The following PTPRD variants were observed in gnomAD, a reference collection of about 807,000 sequenced individuals.
PTPRD encodes the protein receptor-type tyrosine-protein phosphatase delta.
In PTPRD, 34 loss-of-function variants were observed where a neutral mutation model predicts 214.5. The ratio of observed to expected loss-of-function variants is 0.16; its 90% CI spans 0.12 to 0.21. The LOEUF (loss-of-function observed/expected upper bound fraction) is 0.21. Ranked by LOEUF, PTPRD falls within the 10% of genes least tolerant of loss-of-function variation. The probability of loss-of-function intolerance (pLI) is 1.00; values close to 1 mark genes in which losing one functional copy is unlikely to be tolerated. For synonymous variants in PTPRD, 1,128 were observed against 845.7 expected, an observed-to-expected ratio of 1.33 and a Z score of -5.79; for missense variants, 2,545 against 2,398.7, an observed-to-expected ratio of 1.06 and a Z score of -1.27.
At chr9:8,715,630 C>T (rs898351057) in intron 12 of PTPRD, among the ~76,000 whole-genome samples, 3 of 152,152 alleles carry the variant, frequency 2.0e-5, no homozygotes, top group South Asian at 2.1e-4. Context: ...AAAACACATA[C>T]GGACCTACAA....
intron 3 of PTPRD, among the ~76,000 whole-genome samples, chr9:10,091,278 T>C (rs987997983): frequency 1.7e-4 from 26 of 151,642 alleles, no homozygotes; most frequent in South Asian, 4.2e-4. Flanking sequence ...TCTGGCAAGA[T>C]TGGGATGTCC....
At chr9:8,922,588 G>T (rs2098835099) in intron 11 of PTPRD, among the ~76,000 whole-genome samples, 1 of 152,174 alleles carries the variant, frequency 6.6e-6, no homozygotes, top group Admixed American at 6.5e-5. Context: ...AGGCAGGGAT[G>T]CAGTTTGATT....
At chr9:9,653,568 A>G (rs1274662515) in intron 7 of PTPRD, among the ~76,000 whole-genome samples, 3 of 152,144 alleles carry the variant, frequency 2.0e-5, no homozygotes, top group Non-Finnish European at 2.9e-5. Context: ...TTGTAAATGA[A>G]CTTTGTAATA....
At chr9:9,944,651 C>G (rs986759650) in intron 4 of PTPRD, among the ~76,000 whole-genome samples, 6 of 151,246 alleles carry the variant, frequency 4.0e-5, no homozygotes, top group African/African-American at 1.5e-4. Context: ...AGAGCAAAGT[C>G]TAAGAAGAGA....
intron 3 of PTPRD, among the ~76,000 whole-genome samples, chr9:10,125,143 G>A (rs1237180910): frequency 6.6e-6 from 1 of 152,092 alleles, no homozygotes; most frequent in Admixed American, 6.6e-5. Flanking sequence ...GAATTGATTT[G>A]AATAAAAGTA....
intron 11 of PTPRD, among the ~76,000 whole-genome samples, chr9:8,767,749 G>C (rs777742633): frequency 2.0e-5 from 3 of 152,126 alleles, no homozygotes; most frequent in Non-Finnish European, 4.4e-5. Flanking sequence ...AATTAAGTCA[G>C]AATCTTTCAA....
chr9:10,250,462 C>T (rs2092669867), intron 3 of PTPRD, among the ~76,000 whole-genome samples: 1 of 152,078 alleles, frequency 6.6e-6, no homozygotes, highest in Non-Finnish European at 1.5e-5. Context: ...CTTAGATTAA[C>T]ATCAGATCAA....
intron 11 of PTPRD, among the ~76,000 whole-genome samples, chr9:9,008,842 C>G (rs2099494762): frequency 6.6e-6 from 1 of 152,054 alleles, no homozygotes; most frequent in Admixed American, 6.6e-5. Context: ...TGTTTTTCCT[C>G]TCTTTAACCA....
intron 9 of PTPRD, among the ~76,000 whole-genome samples, chr9:9,391,896 C>A (rs993592744): frequency 1.3e-5 from 2 of 152,074 alleles, no homozygotes; most frequent in Non-Finnish European, 2.9e-5. Flanking sequence ...TTAAAGAAGA[C>A]TTTGGTTCAC....
At chr9:10,535,794 G>A (rs1342014888) in intron 2 of PTPRD, among the ~76,000 whole-genome samples, 1 of 152,082 alleles carries the variant, frequency 6.6e-6, no homozygotes, top group Non-Finnish European at 1.5e-5. Flanking sequence ...CTAGCCTTGT[G>A]TCAGCAACTC....
At chr9:9,033,033 T>A (rs1303217988) in intron 10 of PTPRD, among the ~76,000 whole-genome samples, 6 of 152,100 alleles carry the variant, frequency 3.9e-5, no homozygotes, top group African/African-American at 1.4e-4. Context: ...TCACCCACCA[T>A]CTGTAGTGCT....
intron 4 of PTPRD, among the ~76,000 whole-genome samples, chr9:9,947,418 A>C (rs1387652104): frequency 9.4e-4 from 32 of 34,146 alleles, no homozygotes; most frequent in African/African-American, 7.8e-3. Context: ...TATATTTTAT[A>C]TATATATTAT....
intron 3 of PTPRD, among the ~76,000 whole-genome samples, chr9:10,142,525 T>A (rs2098993279): frequency 6.6e-6 from 1 of 151,922 alleles, no homozygotes; most frequent in Non-Finnish European, 1.5e-5. Context: ...CATGAAAAAA[T>A]GCTCACCATC....
intron 3 of PTPRD, among the ~76,000 whole-genome samples, chr9:10,103,035 T>G (rs144474174): frequency 1.3e-5 from 2 of 151,570 alleles, no homozygotes; most frequent in East Asian, 3.9e-4. Context: ...TAGAAACCAA[T>G]TAAACATGTT....
chr9:9,275,549 G>T (rs1413811021), intron 9 of PTPRD, among the ~76,000 whole-genome samples: 1 of 151,006 alleles, frequency 6.6e-6, no homozygotes, highest in Non-Finnish European at 1.5e-5. Context: ...AGCCAAGGTT[G>T]GCTGGTAAGA....
chr9:10,307,591 G>A (rs2096123164), intron 3 of PTPRD, among the ~76,000 whole-genome samples: 1 of 151,966 alleles, frequency 6.6e-6, no homozygotes, highest in South Asian at 2.1e-4. Context: ...GCATCATATG[G>A]TAGTTCTATT....
rs34342718 is a variant in PTPRD at position 8,940,280 on chromosome 9, C to CTTTTTTTTTTTTTTT, written c.-104+78402_-104+78416dup. On this transcript the variant is annotated intron_variant, in intron 11 of 45. Transcript: ENST00000381196. ...TCACACATCTCTCTCTCTCTCTCTC[C>CTTTTTTTTTTTTTTT]TTTTTTTTTTTTTTTTTTTTGAGAT... Among the ~76,000 whole-genome samples the CTTTTTTTTTTTTTTT allele has an allele frequency of 5.9e-3, 522 of 88,910 alleles. 64 individuals are homozygous for CTTTTTTTTTTTTTTT. Among genetic ancestry groups the CTTTTTTTTTTTTTTT allele is most frequent in the Non-Finnish European group, 7.9e-3 (383 of 48,642 alleles). The allele number at this position is 88,910 out of a possible 152,430, so 58.3% of individuals were successfully genotyped here. A position where few individuals can be genotyped will look rare whatever the true frequency, so the allele number is the denominator to read the frequency against.
intron 8 of PTPRD, among the ~76,000 whole-genome samples, chr9:9,529,167 C>T (rs942812977): frequency 2.6e-5 from 4 of 151,312 alleles, no homozygotes; most frequent in Non-Finnish European, 4.4e-5. Context: ...CTCCTGACCT[C>T]GTGATCCGCC....
At chr9:10,388,251 A>G (rs1401566435) in intron 2 of PTPRD, among the ~76,000 whole-genome samples, 1 of 151,874 alleles carries the variant, frequency 6.6e-6, no homozygotes, top group Non-Finnish European at 1.5e-5. Flanking sequence ...ATTCAAAGAT[A>G]TTAGCTTTAT....
Sources: gnomAD v4.1 joint callset for allele counts (sites outside exome capture counted in the v4.1 genomes callset) on GRCh38, gnomAD v4.1.1 for gene constraint, MANE v1.5 for transcripts, NCBI Gene and HGNC (gene_info 2026-07-23, HGNC 2026-07-21) for gene names.